MUC5AC: variants seen among roughly 807,000 people sequenced by gnomAD.
MUC5AC encodes mucin 5AC, oligomeric mucus/gel-forming, also known as mucin-5AC.
MUC5AC carries 158 observed loss-of-function variants against 169.7 expected under a neutral mutation model. The observed-to-expected ratio is 0.93, with a 90% CI of 0.82 to 1.06. The LOEUF is 1.06. Among genes scored for constraint, MUC5AC ranks in the 50% least tolerant of loss-of-function variants. The pLI, the probability that MUC5AC is intolerant of heterozygous loss-of-function variation, is 0.00. For missense variants in MUC5AC, 4,359 were observed against 3,089.9 expected, an observed-to-expected ratio of 1.41 and a Z score of -9.74; for synonymous variants, 1,975 against 1,237.0, an observed-to-expected ratio of 1.60 and a Z score of -12.52.
Position 1,197,517 on chromosome 11 carries a change from C to G in MUC5AC, c.15911C>G (p.Ala5304Gly). 1 of 716,836 alleles carries G rather than the reference C, an allele frequency of 1.4e-6. No individual in the cohort carries two copies. The allele number at this position is 716,836 out of a possible 1,614,324, so 44.4% of individuals were successfully genotyped here. A position where few individuals can be genotyped will look rare whatever the true frequency, so the allele number is the denominator to read the frequency against. ...MDCQECTCEA[A>G]TWTLTCRPKL... ...TGCCAGGAGTGCACGTGTGAGGCGG[C>G]CACGTGGACGCTGACCTGCCGACCC... Residue 5304 changes from alanine to glycine, a missense_variant, in exon 41 of 49, where the codon GCC (alanine) becomes GGC (glycine). Physicochemically the swap from Ala to Gly is moderately conservative, Grantham distance 60 (BLOSUM62 0). Coordinates refer to ENST00000621226, the MANE Select transcript of MUC5AC (RefSeq NM_001304359.2).
rs779707813 is a variant in MUC5AC at position 1,160,592 on chromosome 11, C to G, written c.74-20C>G. ...TCAGCCACCCTGCATCTGGGCTCAG[C>G]CCCCCTCCTCTTTCTGCAGGCCATG... On this transcript the variant is annotated intron_variant, in intron 1 of 48. Transcript: ENST00000621226. 1 of 1,598,142 alleles carries G rather than the reference C, an allele frequency of 6.3e-7. No individual in the cohort carries two copies. Among genetic ancestry groups the G allele is most frequent in the African/African-American group, 1.3e-5 (1 of 74,550 alleles).
At chr11:1,171,688 T>C (rs1338788353) in intron 15 of MUC5AC, among the ~76,000 whole-genome samples, 429 of 44,498 alleles carry the variant, frequency 9.6e-3, no homozygotes, top group Middle Eastern at 0.019. Flanking sequence ...CACTCACCCA[T>C]TCACCCACTC....
chr11:1,191,965 C>T lies in MUC5AC; in HGVS notation c.13820C>T (p.Thr4607Ile), dbSNP rs1385015064. The change falls in exon 31 of 49, where the codon ACC (threonine) becomes ATC (isoleucine). Residue 4607 changes from threonine to isoleucine, a missense_variant. Thr to Ile is a moderately conservative substitution (Grantham distance 89). Coordinates refer to ENST00000621226, the MANE Select transcript of MUC5AC (RefSeq NM_001304359.2). ...ACCAGCACAACCCCTGTTTCAAAGA[C>T]CAGCACAAGCCATCTTTCTGTATCC... ...PTTSTTPVSK[T>I]STSHLSVSKT... 1 of 765,242 alleles carries T rather than the reference C, an allele frequency of 1.3e-6. No homozygotes were observed. The highest frequency in any genetic ancestry group is 1.7e-5 in the Admixed American group (1 of 59,046). The allele number at this position is 765,242 out of a possible 1,614,324, so 47.4% of individuals were successfully genotyped here. A position where few individuals can be genotyped will look rare whatever the true frequency, so the allele number is the denominator to read the frequency against.
At position 1,186,567 on chromosome 11, in the gene MUC5AC, C is replaced by A. The variant is rs1860952145; in HGVS notation, c.8422C>A (p.Pro2808Thr). 9.9e-6 allele frequency: 7 copies of A among 704,140 alleles called. No individual in the cohort carries two copies. The Admixed American group carries it at 1.4e-4, about 14-fold the overall frequency. The allele number at this position is 704,140 out of a possible 1,614,324, so 43.6% of individuals were successfully genotyped here. A position where few individuals can be genotyped will look rare whatever the true frequency, so the allele number is the denominator to read the frequency against. Residue 2808 changes from proline (P) to threonine (T), a missense_variant, in exon 31 of 49, where the codon CCT becomes ACT. Coordinates refer to ENST00000621226, the MANE Select transcript of MUC5AC (RefSeq NM_001304359.2). ...STTITSTTSA[P>T]ISSTTSTPQT... is the part of the protein sequence containing the mutation. ...TACTATAACCAGCACAACTTCTGCC[C>A]CTATAAGCAGCACAACTTCCACACC...
chr11:1,189,075 C>G lies in MUC5AC; in HGVS notation c.10930C>G (p.Pro3644Ala). Residue 3644 changes from proline (P) to alanine (A), a missense_variant, in exon 31 of 49, where the codon CCA becomes GCA. By Grantham distance (27) the Pro-to-Ala change is conservative. Transcript: ENST00000621226. ...CACCCCTAGTGGGAGAGCCACCAGC[C>G]CAACTCAGAGCACCTCCTCTTGGCA... Reference protein sequence around the residue: ...PSTPSGRATSPTQSTSSWQKS... With the variant: ...PSTPSGRATSATQSTSSWQKS... The G allele has an allele frequency of 1.6e-6, 1 of 628,450 alleles. No individual in the cohort carries two copies. The highest frequency in any genetic ancestry group is 2.7e-5 in the Admixed American group (1 of 37,066). 38.9% of individuals were successfully genotyped at this position (628,450 alleles called of 1,614,324 possible).
Position 1,187,964 on chromosome 11 carries a change from C to T in MUC5AC, c.9819C>T (p.Ala3273=), listed in dbSNP as rs1554928419. Residue 3273 remains alanine, a synonymous_variant, in exon 31 of 49, where the codon GCC becomes GCT. Coordinates refer to ENST00000621226, the MANE Select transcript of MUC5AC (RefSeq NM_001304359.2). ...AGATCACCAGGCTCCAGTGCCGAGCCGAGAGCCACCCGGAGGTGAGCATTG... is the reference window on the plus strand; with the variant it reads ...AGATCACCAGGCTCCAGTGCCGAGCTGAGAGCCACCCGGAGGTGAGCATTG... ...PEEITRLQCR[A]ESHPEVSIEH... 6 of 756,286 alleles carry T rather than the reference C, an allele frequency of 7.9e-6. No individual in the cohort carries two copies. The highest frequency in any genetic ancestry group is 5.4e-5 in the South Asian group (4 of 73,806). The allele number at this position is 756,286 out of a possible 1,614,324, so 46.8% of individuals were successfully genotyped here. A position where few individuals can be genotyped will look rare whatever the true frequency, so the allele number is the denominator to read the frequency against.
At position 1,186,718 on chromosome 11, in the gene MUC5AC, C is replaced by T. The variant is rs1860956270; in HGVS notation, c.8573C>T (p.Thr2858Ile). ...PTTSTTSAPT[T>I]RTTSVPTSST... ...ACCAGCACAACCTCTGCCCCTACAACCAGAACAACCTCTGTCCCTACAAGC... is the reference window on the plus strand; with the variant it reads ...ACCAGCACAACCTCTGCCCCTACAATCAGAACAACCTCTGTCCCTACAAGC... The change falls in exon 31 of 49, where the codon ACC (threonine) becomes ATC (isoleucine). Residue 2858 changes from threonine (T) to isoleucine (I), a missense_variant. By Grantham distance (89) the Thr-to-Ile change is moderately conservative. Coordinates refer to ENST00000621226, the MANE Select transcript of MUC5AC (RefSeq NM_001304359.2). 4 of 730,588 alleles carry T rather than the reference C, an allele frequency of 5.5e-6. No individual in the cohort carries two copies. Among genetic ancestry groups the T allele is most frequent in the East Asian group, 2.5e-5 (1 of 39,344 alleles). 45.3% of individuals were successfully genotyped at this position (730,588 alleles called of 1,614,324 possible).
chr11:1,187,427 G>A lies in MUC5AC; in HGVS notation c.9282G>A (p.Ser3094=), dbSNP rs1554928210. The A allele has an allele frequency of 1.9e-5, 13 of 681,846 alleles. No homozygotes were observed. The highest frequency in any genetic ancestry group is 2.4e-4 in the Middle Eastern group (1 of 4,216). 42.2% of individuals were successfully genotyped at this position (681,846 alleles called of 1,614,324 possible). The change falls in exon 31 of 49, where the codon TCG becomes TCA. Residue 3094 remains serine, a synonymous_variant. Transcript: ENST00000621226. ...CTGCCGCTACAACCAGCACAATCTC[G>A]GCCCCAACAACCAGCACAACGTCTG... ...TTSAATTSTI[S]APTTSTTSAP...
intron 37 of MUC5AC, among the ~76,000 whole-genome samples, 155 bp downstream of exon 37, chr11:1,196,209 G>A (rs1861266506): frequency 6.6e-6 from 1 of 152,192 alleles, no homozygotes; most frequent in African/African-American, 2.4e-5. Context: ...CTGGAGAGAA[G>A]GGAGGGCGTC....
At chr11:1,170,219 C>A (rs1300867490) in intron 15 of MUC5AC, among the ~76,000 whole-genome samples, 1 of 65,380 alleles carries the variant, frequency 1.5e-5, no homozygotes, top group Admixed American at 1.3e-4. Context: ...ACCCATTCAC[C>A]CATTCACTCA....
At chr11:1,162,670 G>C (rs894627408) in intron 5 of MUC5AC, 24 bp downstream of exon 5, 3 of 1,600,372 alleles carry the variant, frequency 1.9e-6, no homozygotes, top group Admixed American at 3.3e-5. Context: ...GGGGTGTCCC[G>C]GTGTGCAACT....
chr11:1,175,184 C>G (rs1485011652), intron 18 of MUC5AC, 34 bp from the exon 19 acceptor site: 1 of 398,738 alleles, frequency 2.5e-6, no homozygotes, highest in Admixed American at 4.4e-5. Context: ...GTCTCCTGGC[C>G]CAGGCTGAGG....
At chr11:1,171,467 C>CTCACGAA (rs1860530656) in intron 15 of MUC5AC, among the ~76,000 whole-genome samples, 1 of 92,970 alleles carries the variant, frequency 1.1e-5, no homozygotes, top group African/African-American at 4.2e-5. Flanking sequence ...CCATTCACCC[C>CTCACGAA]CTCACTCACC....
chr11:1,176,310 C>T (rs942808030), intron 20 of MUC5AC, 59 bp downstream of exon 20: 7 of 398,726 alleles, frequency 1.8e-5, no homozygotes, highest in African/African-American at 6.2e-5. Context: ...CTGCTAAGGG[C>T]GCCTGTCCCC....
rs1860809000 is a variant in MUC5AC at position 1,181,265 on chromosome 11, C to G, written c.3821-6C>G. 1.3e-5 allele frequency: 5 copies of G among 398,492 alleles called. No homozygotes were observed. The Admixed American group carries it at 2.2e-4, about 18-fold the overall frequency. 24.7% of individuals were successfully genotyped at this position (398,492 alleles called of 1,614,324 possible). On this transcript the variant is annotated splice_region_variant and splice_polypyrimidine_tract_variant and intron_variant, in intron 29 of 48. Transcript: ENST00000621226. ...TCTGACGGGCCTGGGCCCTCCGTCCCCATAGCCTGTGTCTGCACCTACAAT... is the reference window on the plus strand; with the variant it reads ...TCTGACGGGCCTGGGCCCTCCGTCCGCATAGCCTGTGTCTGCACCTACAAT...
chr11:1,165,474 T>C lies in MUC5AC; in HGVS notation c.1247+55T>C, dbSNP rs1359391638. 8 of 1,591,986 alleles carry C rather than the reference T, an allele frequency of 5.0e-6. No homozygotes were observed. In the Admixed American group the frequency reaches 6.8e-5, roughly 13 times the overall value. The stretch of plus-strand genomic sequence containing the variant: ...AGGATGTGCTATGGGACAGACCTGC[T>C]GGGGGTTGCAACCCAGGCCGGCAGG... On this transcript the variant is annotated intron_variant, in intron 10 of 48. Transcript: ENST00000621226.
In MUC5AC at chr11:1,196,736, C is replaced by G. The variant is rs561917260; in HGVS notation, c.15829+16C>G. 24 of 746,136 alleles carry G rather than the reference C, an allele frequency of 3.2e-5. No homozygotes were observed. In the African/African-American group the frequency reaches 3.9e-4, roughly 12 times the overall value. 46.2% of individuals were successfully genotyped at this position (746,136 alleles called of 1,614,324 possible). On this transcript the variant is annotated intron_variant, in intron 39 of 48. Coordinates refer to ENST00000621226, the MANE Select transcript of MUC5AC (RefSeq NM_001304359.2). ...GGCTGCCCCAGTACGTGCCCCAGGC[C>G]GGGGCTGGGGGGTGTGGCAGGACTG...
At chr11:1,194,029 T>A (rs1172869782) in intron 33 of MUC5AC, 81 bp from the exon 34 acceptor site, 1 of 652,278 alleles carries the variant, frequency 1.5e-6, no homozygotes, top group Non-Finnish European at 2.7e-6. Context: ...CAGGGACAGA[T>A]GTGACCTGTT....
At position 1,168,962 on chromosome 11, in the gene MUC5AC, C is replaced by T; in HGVS notation, c.1806C>T (p.Thr602=). The change falls in exon 15 of 49, where the codon ACC becomes ACT. Residue 602 remains threonine (T), a synonymous_variant. Transcript: ENST00000621226. ...TAAAFFNTFK[T]QAACPNIRNS... is the part of the protein sequence containing the mutation. ...CGGCCTTCTTCAACACCTTCAAGAC[C>T]CAGGCCGCCTGCCCCAACATCAGGA... The T allele has an allele frequency of 1.2e-6, 2 of 1,611,362 alleles. No homozygotes were observed. Among genetic ancestry groups the T allele is most frequent in the Non-Finnish European group, 1.7e-6 (2 of 1,179,120 alleles).
Sources: allele counts gnomAD v4.1 joint callset (sites outside exome capture counted in the v4.1 genomes callset), GRCh38; gene constraint gnomAD v4.1.1; transcripts MANE v1.5; gene names NCBI Gene and HGNC (gene_info 2026-07-23, HGNC 2026-07-21).